The following CIZ1 variants were observed in gnomAD, a reference collection of about 807,000 sequenced individuals.
CIZ1 encodes the protein CDKN1A interacting zinc finger protein 1.
In CIZ1, 58 loss-of-function variants were observed where a neutral mutation model predicts 118.6. That is an observed-to-expected ratio of 0.49 (90% confidence interval 0.40 to 0.61). The LOEUF (loss-of-function observed/expected upper bound fraction) is 0.61. Among genes scored for constraint, CIZ1 ranks in the 20% least tolerant of loss-of-function variants. CIZ1 has a pLI of 0.00. For synonymous variants in CIZ1, 448 were observed against 443.4 expected, an observed-to-expected ratio of 1.01 and a Z score of -0.13; for missense variants, 921 against 1,115.9, an observed-to-expected ratio of 0.83 and a Z score of 2.49.
chr9:128,179,507 T>A, intron 7 of CIZ1, 92 bp from the exon 8 acceptor site: 1 of 1,198,000 alleles, frequency 8.3e-7, no homozygotes, highest in Non-Finnish European at 1.2e-6. Context: ...GCGTGGTGGC[T>A]CGCATCTGTA....
At chr9:128,201,344 G>A (rs1262184065) in intron 1 of CIZ1, among the ~76,000 whole-genome samples, 1 of 152,132 alleles carries the variant, frequency 6.6e-6, no homozygotes, top group African/African-American at 2.4e-5. Flanking sequence ...CAGCTACTCG[G>A]GAGGCTGAGG....
At chr9:128,181,134 A>G (rs1263594135) in intron 5 of CIZ1, among the ~76,000 whole-genome samples, 1 of 150,444 alleles carries the variant, frequency 6.6e-6, no homozygotes, top group Non-Finnish European at 1.5e-5. Flanking sequence ...TTTTTTTTTG[A>G]GACAGAATTT....
At chr9:128,169,303 C>A (rs1829835731) in intron 13 of CIZ1, 102 bp from the exon 14 acceptor site, 3 of 1,252,708 alleles carry the variant, frequency 2.4e-6, no homozygotes, top group African/African-American at 3.1e-5. Context: ...TCCCTCCAGA[C>A]CCGCTGTGAG....
chr9:128,194,163 A>C (rs1588278779), upstream of CIZ1, among the ~76,000 whole-genome samples: 1 of 152,034 alleles, frequency 6.6e-6, no homozygotes, highest in South Asian at 2.1e-4. Flanking sequence ...AGAGTTCAAG[A>C]CCAGCCTGGC....
rs1004042992 is a variant in CIZ1, at chr9:128,166,350, G to A, written c.2544C>T (p.Cys848=). 9.6e-6 allele frequency: 15 copies of A among 1,561,920 alleles called. No individual in the cohort carries two copies. The highest frequency in any genetic ancestry group is 8.1e-5 in the African/African-American group (6 of 73,744). Residue 848 remains cysteine, a synonymous_variant, in exon 17 of 17, where the codon TGC becomes TGT. Transcript: ENST00000372938. This position sits in a 1 kb window ranked among gnomAD's most constrained non-coding sequence, Gnocchi z 4.4. The part of the protein sequence containing the change: ...SPTTRPVSRR[C]AINARNALTA... ...TCAAAGCGTTCCGGGCGTTGATTGC[G>A]CACCGGCGGCTCACAGGTCGGGTGG...
Position 128,190,938 on chromosome 9 carries a change from TC to T in CIZ1, c.-5-77del, listed in dbSNP as rs935448868. Reference sequence around the variant, plus strand: ...CTGCTCCCCTCCCATCCACCGCCACTCCCCGCAGCCACAGCCCGCAGAGACT... The same window carrying T: ...CTGCTCCCCTCCCATCCACCGCCACTCCCGCAGCCACAGCCCGCAGAGACT... On this transcript the variant is annotated intron_variant, in intron 1 of 16. Coordinates refer to ENST00000372938, the MANE Select transcript of CIZ1 (RefSeq NM_001131016.2). 275 of 1,466,740 alleles carry T rather than the reference TC, an allele frequency of 1.9e-4. 1 individual carries two copies. Among genetic ancestry groups the T allele is most frequent in the Admixed American group, 2.4e-4 (10 of 42,112 alleles). 90.9% of individuals were successfully genotyped at this position (1,466,740 alleles called of 1,614,324 possible).
intron 3 of CIZ1, among the ~76,000 whole-genome samples, chr9:128,190,112 A>G (rs1287018064): frequency 2.0e-5 from 3 of 152,344 alleles, no homozygotes; most frequent in Non-Finnish European, 1.5e-5. Context: ...AGCCAGCACC[A>G]TGGCCAAGGA....
intron 13 of CIZ1, 93 bp downstream of exon 13, chr9:128,169,313 G>A (rs1226530093): frequency 1.4e-6 from 2 of 1,395,634 alleles, no homozygotes; most frequent in Non-Finnish European, 2.0e-6. Flanking sequence ...CCCGCTGTGA[G>A]TTTGGGCTGG....
upstream of CIZ1, chr9:128,192,009 G>T: frequency 9.9e-7 from 1 of 1,014,384 alleles, no homozygotes; most frequent in Non-Finnish European, 1.3e-6. Context: ...TTTGCCCACG[G>T]AGGGGTGGAG....
intron 1 of CIZ1, among the ~76,000 whole-genome samples, chr9:128,201,946 T>C (rs1833535961): frequency 6.6e-6 from 1 of 152,164 alleles, no homozygotes; most frequent in African/African-American, 2.4e-5. Context: ...CTGATCACCA[T>C]CTTCACAATA....
rs756853339 is a variant in CIZ1 at position 128,185,589 on chromosome 9, C to G, written c.546G>C (p.Gln182His). Residue 182 changes from glutamine to histidine, a missense_variant, in exon 5 of 17, where the codon CAG becomes CAC. Physicochemically the swap from Gln to His is conservative, Grantham distance 24. Coordinates refer to ENST00000372938, the MANE Select transcript of CIZ1 (RefSeq NM_001131016.2). ...SQFNLSGRNP[Q>H]KQARTSSSTT... ...TAGAGGAGGAGGTCCGGGCCTGTTTCTGGGGGTTCCGTCCTGAAAGGTTGA... is the reference window on the plus strand; with the variant it reads ...TAGAGGAGGAGGTCCGGGCCTGTTTGTGGGGGTTCCGTCCTGAAAGGTTGA... 3.2e-5 allele frequency: 49 copies of G among 1,522,450 alleles called. 1 individual carries two copies. The Admixed American group carries it at 7.5e-4, about 23-fold the overall frequency. The allele number at this position is 1,522,450 out of a possible 1,614,324, so 94.3% of individuals were successfully genotyped here.
At chr9:128,202,104 C>G (rs1407713342) in intron 1 of CIZ1, among the ~76,000 whole-genome samples, 1 of 152,222 alleles carries the variant, frequency 6.6e-6, no homozygotes, top group Non-Finnish European at 1.5e-5. Flanking sequence ...CCGTTTTGCT[C>G]ACTGCTTTAT....
intron 6 of CIZ1, 94 bp from the exon 7 acceptor site, chr9:128,180,617 C>CA: frequency 7.3e-7 from 1 of 1,373,302 alleles, no homozygotes; most frequent in Non-Finnish European, 1.0e-6. Context: ...GCCTTCCCAC[C>CA]AAGAACCCCT....
At chr9:128,185,996 T>C (rs913666300) in intron 4 of CIZ1, among the ~76,000 whole-genome samples, 16 of 152,074 alleles carry the variant, frequency 1.1e-4, no homozygotes, top group Non-Finnish European at 4.4e-5. Flanking sequence ...CTGCCCCAGC[T>C]AGGGGTGGGG....
At chr9:128,169,260 C>G (rs1052409432) in intron 13 of CIZ1, 59 bp from the exon 14 acceptor site, 1 of 1,495,730 alleles carries the variant, frequency 6.7e-7, no homozygotes, top group African/African-American at 1.4e-5. Context: ...GGGCCATGCC[C>G]TACCCACCCC....
chr9:128,184,962 G>A (rs989010244), intron 5 of CIZ1, among the ~76,000 whole-genome samples: 10 of 152,120 alleles, frequency 6.6e-5, no homozygotes, highest in South Asian at 6.2e-4. Flanking sequence ...GAGCCCCCAC[G>A]CTTGGCCACA....
Position 128,203,087 on chromosome 9 carries a change from C to A in CIZ1, c.-6+1099G>T, listed in dbSNP as rs1371795944. 6.6e-6 allele frequency among the ~76,000 whole-genome samples: 1 copy of A among 152,172 alleles called. No homozygotes were observed. The highest frequency in any genetic ancestry group is 1.9e-4 in the East Asian group (1 of 5,196). Reference sequence around the variant, plus strand: ...AGAGGAAGCCCATCTGCTCTCCAGGCCTGTTTCCTCATCGGTAAGATGGAG... The same window carrying A: ...AGAGGAAGCCCATCTGCTCTCCAGGACTGTTTCCTCATCGGTAAGATGGAG... On this transcript the variant is annotated intron_variant, in intron 1 of 17. Coordinates refer to the CIZ1 transcript ENST00000372948. This position sits in a 1 kb window ranked among gnomAD's most constrained non-coding sequence, Gnocchi z 5.3.
intron 3 of CIZ1, 54 bp from the exon 4 acceptor site, chr9:128,187,988 C>A: frequency 3.6e-6 from 2 of 551,866 alleles, no homozygotes; most frequent in South Asian, 4.0e-5. Context: ...CATCCATCCC[C>A]CCTGACTCAG....
chr9:128,178,266 G>A (rs1004474800), intron 9 of CIZ1, 103 bp downstream of exon 9: 2 of 1,370,266 alleles, frequency 1.5e-6, no homozygotes, highest in African/African-American at 1.5e-5. Context: ...TTCACGGTGG[G>A]GGAAACACAA....
Sources: allele counts gnomAD v4.1 joint callset (sites outside exome capture counted in the v4.1 genomes callset), GRCh38; gene constraint gnomAD v4.1.1; non-coding constraint Gnocchi (gnomAD v3.1); transcripts MANE v1.5; gene names NCBI Gene and HGNC (gene_info 2026-07-23, HGNC 2026-07-21).